The following HYDIN variants were observed in gnomAD, a reference collection of about 807,000 sequenced individuals.
The protein encoded by HYDIN is axonemal central pair apparatus protein HYDIN.
A neutral mutation model predicts 403.9 loss-of-function variants in HYDIN; 132 were observed. The ratio of observed to expected loss-of-function variants is 0.33; its 90% CI spans 0.28 to 0.38. The LOEUF (loss-of-function observed/expected upper bound fraction) is 0.38, where lower values mean the gene tolerates loss of function less well. HYDIN is among the 10% of genes least tolerant of loss of function. The pLI, the probability that HYDIN is intolerant of heterozygous loss-of-function variation, is 1.00. For synonymous variants in HYDIN, 1,202 were observed against 1,891.7 expected (o/e 0.64, Z 9.46); for missense variants, 2,827 against 5,009.5 (o/e 0.56, Z 13.15).
At chr16:71,050,295 A>C (rs1015554128) in intron 18 of HYDIN, among the ~76,000 whole-genome samples, 1 of 150,706 alleles carries the variant, frequency 6.6e-6, no homozygotes, top group African/African-American at 2.4e-5. Context: ...TTAATGCCAG[A>C]GGTCAATCTT....
In HYDIN at chr16:70,855,012, T is replaced by C. The variant is rs533232453; in HGVS notation, c.12443+116A>G. 15 of 753,854 alleles carry C rather than the reference T, an allele frequency of 2.0e-5. No homozygotes were observed. The South Asian group carries it at 2.6e-4, about 13-fold the overall frequency. 46.7% of individuals were successfully genotyped at this position (753,854 alleles called of 1,614,324 possible). On this transcript the variant is annotated intron_variant, in intron 73 of 85. Transcript: ENST00000393567. The stretch of plus-strand genomic sequence containing the variant: ...TAGGATGGAGATGGAATTGTTATGA[T>C]GTAATCTTAGAGTTGAAAGCAATTA...
intron 39 of HYDIN, 139 bp from the exon 40 acceptor site, chr16:70,955,687 T>C (rs1167574094): frequency 3.6e-6 from 2 of 556,912 alleles, no homozygotes; most frequent in Non-Finnish European, 6.3e-6. Context: ...CTGGAGGTGT[T>C]AGCAGCAAAG....
intron 47 of HYDIN, among the ~76,000 whole-genome samples, chr16:70,916,863 T>G (rs1245523273): frequency 6.6e-6 from 1 of 152,018 alleles, no homozygotes; most frequent in Non-Finnish European, 1.5e-5. Flanking sequence ...CTTCCTTCCT[T>G]GCTTCCTTCC....
At chr16:70,824,277 A>T (rs2143479256) in intron 83 of HYDIN, among the ~76,000 whole-genome samples, 1 of 150,924 alleles carries the variant, frequency 6.6e-6, no homozygotes, top group South Asian at 2.1e-4. Context: ...TTACATGTAC[A>T]GTTTATGAAT....
At chr16:70,916,691 A>G (rs2076850003) in intron 47 of HYDIN, among the ~76,000 whole-genome samples, 1 of 152,166 alleles carries the variant, frequency 6.6e-6, no homozygotes, top group African/African-American at 2.4e-5. Context: ...TTTCTTTAGT[A>G]TCTTTCAATC....
At chr16:71,117,542 G>A (rs1174760396) in intron 9 of HYDIN, among the ~76,000 whole-genome samples, 2 of 152,168 alleles carry the variant, frequency 1.3e-5, no homozygotes, top group African/African-American at 2.4e-5. Flanking sequence ...ATTGAAAAGG[G>A]GAAAAGATGT....
intron 52 of HYDIN, among the ~76,000 whole-genome samples, chr16:70,903,334 A>C (rs1263027433): frequency 2.1e-4 from 30 of 140,300 alleles, no homozygotes; most frequent in African/African-American, 7.9e-4. Flanking sequence ...TGAGAATCTG[A>C]AGAAAGCTGG....
intron 10 of HYDIN, among the ~76,000 whole-genome samples, chr16:71,104,103 T>G (rs2083539989): frequency 6.6e-6 from 1 of 151,788 alleles, no homozygotes; most frequent in Admixed American, 6.6e-5. Context: ...TTGTACTAGT[T>G]AACTACACTT....
At chr16:70,914,161 C>G (rs1056122926) in intron 47 of HYDIN, among the ~76,000 whole-genome samples, 2 of 151,876 alleles carry the variant, frequency 1.3e-5, no homozygotes, top group African/African-American at 4.8e-5. Context: ...ATTAATTGTG[C>G]TATTTGTTGC....
chr16:71,195,938 C>A (rs2087679034), intron 1 of HYDIN, among the ~76,000 whole-genome samples: 1 of 152,070 alleles, frequency 6.6e-6, no homozygotes, highest in South Asian at 2.1e-4. Context: ...GTTTCCAGGT[C>A]AGACACAGGC....
rs745970388 is a variant in HYDIN at position 70,802,663 on chromosome 16, A to G, written c.*4917T>C. 1.3e-5 allele frequency: 2 copies of G among 152,214 alleles called. No individual in the cohort carries two copies. Among genetic ancestry groups the G allele is most frequent in the Non-Finnish European group, 2.9e-5 (2 of 68,040 alleles). The allele number at this position is 152,214 out of a possible 1,614,324, so 9.4% of individuals were successfully genotyped here. On this transcript the variant is annotated 3_prime_UTR_variant, in exon 86 of 86. Transcript: ENST00000393567. ...CCAGTTCACACTGGGCTCTCAACCC[A>G]TGGAAACTGTGAGATAATAAATTTG... is the stretch of plus-strand genomic sequence containing the variant.
intron 8 of HYDIN, among the ~76,000 whole-genome samples, chr16:71,133,462 T>C (rs184197560): frequency 6.6e-6 from 1 of 152,364 alleles, no homozygotes; most frequent in Non-Finnish European, 1.5e-5. Context: ...AAGTTTATTA[T>C]GACACAGGTG....
Position 71,178,014 on chromosome 16 carries a change from T to C in HYDIN, c.381+914A>G, listed in dbSNP as rs922975356. Among the ~76,000 whole-genome samples, 11 of 152,108 alleles carry C rather than the reference T, an allele frequency of 7.2e-5. No homozygotes were observed. The East Asian group carries it at 2.1e-3, about 29-fold the overall frequency. On this transcript the variant is annotated intron_variant, in intron 4 of 85. Transcript: ENST00000393567. ...TAGACAAACTTTGAAGGCTATCTTC[T>C]ACAGAAAGAAGAAGACAGAAAAAAA...
chr16:71,167,712 T>C (rs796239684), intron 5 of HYDIN, among the ~76,000 whole-genome samples: 1 of 151,240 alleles, frequency 6.6e-6, no homozygotes, highest in African/African-American at 2.4e-5. Flanking sequence ...TTAAAATGTA[T>C]TCCAATCTCT....
At chr16:70,927,949 T>TAAAAAAA (rs796753706) in intron 45 of HYDIN, among the ~76,000 whole-genome samples, 1 of 132,738 alleles carries the variant, frequency 7.5e-6, no homozygotes, top group African/African-American at 2.8e-5. Context: ...AACCTGTACC[T>TAAAAAAA]AAAAAAAAAA....
At chr16:70,926,573 G>T (rs1035491665) in intron 45 of HYDIN, among the ~76,000 whole-genome samples, 4 of 151,632 alleles carry the variant, frequency 2.6e-5, no homozygotes, top group African/African-American at 7.3e-5. Flanking sequence ...TAACTAACCT[G>T]CACATTGTAC....
rs529780750 is a variant in HYDIN at position 71,115,237 on chromosome 16, T to C, written c.1327+459A>G. ...GTGAGTGAGTTCTCACGAGATCTGA[T>C]GGTTTTATAAGGGGCTCTTTCCTCC... On this transcript the variant is annotated intron_variant, in intron 10 of 85. Transcript: ENST00000393567. Among the ~76,000 whole-genome samples the C allele has an allele frequency of 6.6e-5, 10 of 152,222 alleles. No individual in the cohort carries two copies. The East Asian group carries it at 1.7e-3, about 27-fold the overall frequency.
At chr16:70,956,128 A>G (rs112416192) in intron 39 of HYDIN, among the ~76,000 whole-genome samples, 3 of 152,256 alleles carry the variant, frequency 2.0e-5, no homozygotes, top group African/African-American at 7.2e-5. Context: ...TCTGTTTAAG[A>G]AACAGGTTCT....
At chr16:71,116,118 T>C (rs1390520910) in intron 9 of HYDIN, among the ~76,000 whole-genome samples, 1 of 151,966 alleles carries the variant, frequency 6.6e-6, no homozygotes, top group Non-Finnish European at 1.5e-5. Context: ...CCAGAACTTA[T>C]AACTACAAGT....
Sources: gnomAD v4.1 joint callset for allele counts (sites outside exome capture counted in the v4.1 genomes callset) on GRCh38, gnomAD v4.1.1 for gene constraint, MANE v1.5 for transcripts, NCBI Gene and HGNC (gene_info 2026-07-23, HGNC 2026-07-21) for gene names.